The following GAREM1 variants were observed in gnomAD, a reference collection of about 807,000 sequenced individuals.
The protein encoded by GAREM1 is GRB2 associated regulator of MAPK1 subtype 1, also known as GRB2-associated and regulator of MAPK protein 1.
GAREM1 carries 26 observed loss-of-function variants against 71.3 expected under a neutral mutation model. The observed-to-expected ratio is 0.36, with a 90% CI of 0.27 to 0.51. The LOEUF (loss-of-function observed/expected upper bound fraction) is 0.51, where lower values mean the gene tolerates loss of function less well. Ranked by LOEUF, GAREM1 falls within the 20% of genes least tolerant of loss-of-function variation. GAREM1 has a pLI of 0.95. For synonymous variants in GAREM1, 440 were observed against 433.2 expected (o/e 1.02, Z -0.20); for missense variants, 1,026 against 1,103.1 (o/e 0.93, Z 0.99).
Position 32,470,464 on chromosome 18 carries a change from G to A in GAREM1, c.-36C>T, listed in dbSNP as rs745327023. ...GCCTCCTGTCCCGCGCTCCCCCGCC[G>A]CCGCCACCGGCACCACCCGCGCCTC... On this transcript the variant is annotated 5_prime_UTR_variant, in exon 1 of 6. Transcript: ENST00000269209. The surrounding 1 kb of genome is among the most constrained non-coding windows in gnomAD (Gnocchi z 4.4). 1.3e-5 allele frequency: 17 copies of A among 1,274,884 alleles called. No homozygotes were observed. The Admixed American group carries it at 4.1e-4, about 31-fold the overall frequency. The allele number at this position is 1,274,884 out of a possible 1,614,324, so 79.0% of individuals were successfully genotyped here.
chr18:32,405,560 G>T (rs1484920029), intron 1 of GAREM1, among the ~76,000 whole-genome samples: 1 of 152,100 alleles, frequency 6.6e-6, no homozygotes, highest in African/African-American at 2.4e-5. Context: ...TATCAAATAA[G>T]TGTCCTCTTC....
intron 1 of GAREM1, among the ~76,000 whole-genome samples, chr18:32,396,938 T>C (rs1199996397): frequency 6.6e-6 from 1 of 152,120 alleles, no homozygotes; most frequent in Non-Finnish European, 1.5e-5. Context: ...GGGAAGCCCA[T>C]CAGACTAACA....
intron 2 of GAREM1, among the ~76,000 whole-genome samples, chr18:32,347,250 A>G (rs1010256653): frequency 6.6e-6 from 1 of 152,206 alleles, no homozygotes; most frequent in Non-Finnish European, 1.5e-5. Flanking sequence ...CTGTAATCCC[A>G]TCACTCTGGA....
At chr18:32,390,681 G>A (rs549554765) in intron 2 of GAREM1, among the ~76,000 whole-genome samples, 4 of 152,254 alleles carry the variant, frequency 2.6e-5, no homozygotes, top group South Asian at 4.2e-4. Context: ...AAGCTGGATG[G>A]TTCTTTTAAA....
chr18:32,431,362 G>C (rs1352981592), intron 1 of GAREM1, among the ~76,000 whole-genome samples: 5 of 152,182 alleles, frequency 3.3e-5, no homozygotes. Context: ...AGGCATGGTG[G>C]CTCACGCCTG....
intron 1 of GAREM1, among the ~76,000 whole-genome samples, chr18:32,445,848 C>A (rs980249238): frequency 3.9e-5 from 6 of 152,026 alleles, no homozygotes; most frequent in African/African-American, 1.2e-4. Flanking sequence ...AAACTAAATT[C>A]ATTTTTCTGG....
intron 4 of GAREM1, among the ~76,000 whole-genome samples, chr18:32,286,556 TAGG>T (rs1017055632): frequency 2.0e-5 from 3 of 152,178 alleles, no homozygotes; most frequent in African/African-American, 7.2e-5. Context: ...GCTAAAAATC[TAGG>T]AGTTTTCTTT....
chr18:32,414,520 T>C (rs1325899313), intron 1 of GAREM1, among the ~76,000 whole-genome samples: 1 of 152,048 alleles, frequency 6.6e-6, no homozygotes, highest in Admixed American at 6.6e-5. Flanking sequence ...TCAAGCACCT[T>C]CTTCTGACCA....
At chr18:32,395,103 G>A (rs1270401421) in intron 1 of GAREM1, among the ~76,000 whole-genome samples, 2 of 152,200 alleles carry the variant, frequency 1.3e-5, no homozygotes, top group African/African-American at 4.8e-5. Context: ...GACCTTCAGA[G>A]GAGTTGAGAA....
intron 1 of GAREM1, 55 bp from the exon 2 acceptor site, chr18:32,393,090 T>C (rs1378605363): frequency 7.1e-6 from 11 of 1,541,868 alleles, no homozygotes; most frequent in African/African-American, 1.4e-5. Flanking sequence ...GCTTTCTCCA[T>C]ACTTTGCAAT....
chr18:32,321,036 C>T (rs989983993), intron 2 of GAREM1, among the ~76,000 whole-genome samples: 37 of 152,126 alleles, frequency 2.4e-4, no homozygotes, highest in African/African-American at 8.7e-4. Flanking sequence ...GGTATTACTG[C>T]TTCAGATTTT....
intron 1 of GAREM1, among the ~76,000 whole-genome samples, chr18:32,468,586 A>C (rs1248418650): frequency 6.6e-6 from 1 of 152,218 alleles, no homozygotes; most frequent in Non-Finnish European, 1.5e-5. Context: ...GTGTGGGATG[A>C]GTACACTGCT....
chr18:32,378,065 G>T (rs73421957), intron 2 of GAREM1, among the ~76,000 whole-genome samples: 25,213 of 128,488 alleles, frequency 0.2, 2,947 homozygotes, highest in African/African-American at 0.38. Context: ...TGTGCGCGCG[G>T]GCGCTTTGGA....
At chr18:32,360,945 ACT>A (rs1414995437) in intron 2 of GAREM1, among the ~76,000 whole-genome samples, 2 of 152,060 alleles carry the variant, frequency 1.3e-5, no homozygotes, top group African/African-American at 4.8e-5. Context: ...CGTTAAAAAC[ACT>A]CTTCATGATG....
intron 1 of GAREM1, among the ~76,000 whole-genome samples, chr18:32,456,871 A>G (rs1177726524): frequency 6.6e-6 from 1 of 152,166 alleles, no homozygotes; most frequent in African/African-American, 2.4e-5. Context: ...AATTTCAATT[A>G]TACCAGATGA....
At chr18:32,285,949 C>T (rs918709841) in intron 4 of GAREM1, among the ~76,000 whole-genome samples, 11 of 152,260 alleles carry the variant, frequency 7.2e-5, no homozygotes, top group African/African-American at 2.6e-4. Context: ...CCCTTCCCCA[C>T]AATCTGTGCT....
At chr18:32,310,665 A>G (rs2047311178) in intron 2 of GAREM1, among the ~76,000 whole-genome samples, 1 of 152,206 alleles carries the variant, frequency 6.6e-6, no homozygotes, top group Non-Finnish European at 1.5e-5. Flanking sequence ...TAAGTTAAAC[A>G]TTGAAGTTAC....
chr18:32,402,310 C>G (rs943474925), intron 1 of GAREM1, among the ~76,000 whole-genome samples: 2 of 152,038 alleles, frequency 1.3e-5, no homozygotes, highest in Admixed American at 1.3e-4. Context: ...TTTACTTGCC[C>G]CATTTGACCT....
chr18:32,435,049 C>G (rs1199052340), intron 1 of GAREM1, among the ~76,000 whole-genome samples: 1 of 151,938 alleles, frequency 6.6e-6, no homozygotes, highest in Admixed American at 6.6e-5. Flanking sequence ...AGATCTTTCC[C>G]AATAATACAC....
Sources: allele counts gnomAD v4.1 joint callset (sites outside exome capture counted in the v4.1 genomes callset), GRCh38; gene constraint gnomAD v4.1.1; non-coding constraint Gnocchi (gnomAD v3.1); transcripts MANE v1.5; gene names NCBI Gene and HGNC (gene_info 2026-07-23, HGNC 2026-07-21).